Variants in MACROD2 observed in about 807,000 individuals in gnomAD.
MACROD2 encodes the protein ADP-ribose glycohydrolase MACROD2.
In MACROD2, 36 loss-of-function variants were observed where a neutral mutation model predicts 70.4. That is an observed-to-expected ratio of 0.51 (90% CI 0.39 to 0.68). The LOEUF (loss-of-function observed/expected upper bound fraction) is 0.68. MACROD2 is among the 30% of genes least tolerant of loss of function. The pLI, the probability that MACROD2 is intolerant of heterozygous loss-of-function variation, is 0.00. For missense variants in MACROD2, 496 were observed against 538.4 expected (o/e 0.92, Z 0.78); for synonymous variants, 172 against 178.8 (o/e 0.96, Z 0.30).
intron 5 of MACROD2, among the ~76,000 whole-genome samples, chr20:14,906,697 G>GT (rs1204568598): frequency 4.6e-5 from 7 of 152,156 alleles, no homozygotes; most frequent in Middle Eastern, 3.4e-3. Context: ...TGAAACTAAC[G>GT]TCACAAATTA....
intron 2 of MACROD2, among the ~76,000 whole-genome samples, chr20:14,071,347 G>A (rs560244031): frequency 8.3e-5 from 11 of 132,710 alleles, no homozygotes; most frequent in Non-Finnish European, 1.5e-4. Flanking sequence ...TGCAAGCTCC[G>A]CCTCCCGGGT....
chr20:14,200,240 A>G (rs1039234734), intron 3 of MACROD2, among the ~76,000 whole-genome samples: 3 of 152,198 alleles, frequency 2.0e-5, no homozygotes, highest in African/African-American at 7.2e-5. Context: ...ACATTGATGG[A>G]GCTGGAGGCC....
At position 14,390,793 on chromosome 20, in the gene MACROD2, C is replaced by G. The variant is rs771256471; in HGVS notation, c.272-102686C>G. On this transcript the variant is annotated intron_variant, in intron 3 of 17. Coordinates refer to ENST00000684519, the MANE Select transcript of MACROD2 (RefSeq NM_001351661.2). ...ATGTACAAGAAACAAACAGACAACC[C>G]CATTAACACATGAGCAAAGGACAGG... Among the ~76,000 whole-genome samples, 6 of 152,148 alleles carry G rather than the reference C, an allele frequency of 3.9e-5. 2 individuals carry two copies. The highest frequency in any genetic ancestry group is 1.5e-5 in the Non-Finnish European group (1 of 67,976).
At chr20:14,212,396 T>A (rs1293446133) in intron 3 of MACROD2, among the ~76,000 whole-genome samples, 1 of 152,148 alleles carries the variant, frequency 6.6e-6, no homozygotes, top group African/African-American at 2.4e-5. Context: ...AGATTAGACC[T>A]TAATTCCACT....
intron 4 of MACROD2, among the ~76,000 whole-genome samples, chr20:14,526,160 T>C (rs1366498454): frequency 6.6e-6 from 1 of 152,240 alleles, no homozygotes; most frequent in East Asian, 1.9e-4. Context: ...GTATTTTCCA[T>C]ATCTCTTTTA....
intron 15 of MACROD2, among the ~76,000 whole-genome samples, chr20:16,024,163 A>G (rs1175893462): frequency 2.6e-5 from 4 of 152,160 alleles, no homozygotes; most frequent in African/African-American, 9.7e-5. Flanking sequence ...AATGCTAATC[A>G]TGCAAGTTTG....
At chr20:14,787,404 G>C (rs1237239956) in intron 5 of MACROD2, among the ~76,000 whole-genome samples, 1 of 152,090 alleles carries the variant, frequency 6.6e-6, no homozygotes, top group East Asian at 1.9e-4. Context: ...TCCTCTGCCT[G>C]GGGAAAAGTT....
intron 8 of MACROD2, among the ~76,000 whole-genome samples, chr20:15,537,329 A>G (rs1051115761): frequency 2.6e-5 from 4 of 151,978 alleles, no homozygotes; most frequent in Middle Eastern, 3.2e-3. Flanking sequence ...TTTATAAATT[A>G]CCCAGTCTTG....
chr20:14,770,496 C>T (rs2072151014), intron 5 of MACROD2, among the ~76,000 whole-genome samples: 1 of 152,036 alleles, frequency 6.6e-6, no homozygotes, highest in Non-Finnish European at 1.5e-5. Context: ...TCAAATAGCT[C>T]TCGTAGATTT....
At chr20:14,821,837 T>C (rs1175091027) in intron 5 of MACROD2, among the ~76,000 whole-genome samples, 3 of 152,088 alleles carry the variant, frequency 2.0e-5, no homozygotes, top group African/African-American at 7.2e-5. Context: ...CTGGCCCTGG[T>C]GTACTCATGA....
chr20:15,821,609 C>T (rs1057117026), intron 8 of MACROD2, among the ~76,000 whole-genome samples: 3 of 152,096 alleles, frequency 2.0e-5, no homozygotes, highest in African/African-American at 4.8e-5. Flanking sequence ...TTCAACTAAC[C>T]TTGGATTGAA....
chr20:14,511,604 C>G lies in MACROD2; in HGVS notation c.301+18096C>G, dbSNP rs2085030644. On this transcript the variant is annotated intron_variant, in intron 4 of 17. Transcript: ENST00000684519. ...GAATAAATTCTGAAAGATATTTCTC[C>G]TCATAAAATTTAACTAATTAACCTA... is the stretch of plus-strand genomic sequence containing the variant. Among the ~76,000 whole-genome samples the G allele has an allele frequency of 2.6e-5, 4 of 151,920 alleles. No individual in the cohort carries two copies. The South Asian group carries it at 8.3e-4, about 31-fold the overall frequency.
chr20:15,973,499 G>GAAGA (rs2066261639), intron 13 of MACROD2, among the ~76,000 whole-genome samples: 1 of 152,008 alleles, frequency 6.6e-6, no homozygotes, highest in Admixed American at 6.6e-5. Flanking sequence ...AAAATTAAAA[G>GAAGA]AAGATACCTT....
chr20:14,914,483 G>C (rs1460019411), intron 5 of MACROD2, among the ~76,000 whole-genome samples: 1 of 152,162 alleles, frequency 6.6e-6, no homozygotes, highest in Non-Finnish European at 1.5e-5. Context: ...CTATATGAGA[G>C]CTTTGGGGCT....
chr20:15,964,038 G>A (rs1190016144), intron 12 of MACROD2, among the ~76,000 whole-genome samples: 1 of 152,082 alleles, frequency 6.6e-6, no homozygotes, highest in South Asian at 2.1e-4. Context: ...AAATAACATT[G>A]ACTGAATCTC....
chr20:14,945,341 G>A (rs1338381338), intron 5 of MACROD2, among the ~76,000 whole-genome samples: 2 of 152,032 alleles, frequency 1.3e-5, no homozygotes, highest in African/African-American at 2.4e-5. Flanking sequence ...GCCTCCCAAA[G>A]TGCTGCTGGG....
At chr20:14,811,645 C>A (rs547883302) in intron 5 of MACROD2, among the ~76,000 whole-genome samples, 1 of 152,122 alleles carries the variant, frequency 6.6e-6, no homozygotes, top group South Asian at 2.1e-4. Flanking sequence ...GACCAGGCAA[C>A]CTACAGAATA....
chr20:15,853,869 C>T (rs1169626227), intron 8 of MACROD2, among the ~76,000 whole-genome samples: 3 of 152,110 alleles, frequency 2.0e-5, no homozygotes, highest in Non-Finnish European at 2.9e-5. Flanking sequence ...GCACTAACCC[C>T]CAGAGGTCAA....
chr20:15,382,279 T>A (rs957623719), intron 6 of MACROD2, among the ~76,000 whole-genome samples: 2 of 152,160 alleles, frequency 1.3e-5, no homozygotes, highest in African/African-American at 4.8e-5. Context: ...CAACTTTTCA[T>A]AACGTTCACT....
Sources: gnomAD v4.1 joint callset for allele counts (sites outside exome capture counted in the v4.1 genomes callset) on GRCh38, gnomAD v4.1.1 for gene constraint, MANE v1.5 for transcripts, NCBI Gene and HGNC (gene_info 2026-07-23, HGNC 2026-07-21) for gene names.